C9orf72: variants seen among roughly 807,000 people sequenced by gnomAD.
C9orf72 encodes the protein C9orf72-SMCR8 complex subunit.
A neutral mutation model predicts 51.6 loss-of-function variants in C9orf72; 44 were observed. The ratio of observed to expected loss-of-function variants is 0.85; its 90% CI spans 0.67 to 1.10. The LOEUF is 1.10. Among genes scored for constraint, C9orf72 ranks in the 50% least tolerant of loss-of-function variants. The pLI, the probability that C9orf72 is intolerant of heterozygous loss-of-function variation, is 0.00. For synonymous variants in C9orf72, 213 were observed against 194.2 expected (o/e 1.10, Z -0.81); for missense variants, 607 against 570.6 (o/e 1.06, Z -0.65).
At chr9:27,554,492 G>C in intron 8 of C9orf72, 1 of 397,664 alleles carries the variant, frequency 2.5e-6, no homozygotes, top group Admixed American at 4.4e-5. Context: ...ACTTGAGGGT[G>C]GGAGAAGGGT....
In C9orf72 at chr9:27,561,607, A is replaced by G. The variant is rs113939233; in HGVS notation, c.643T>C (p.Cys215Arg). ...TACTTGAGAAGAAAGCCTTCATGACAGCTGTCACCAATATCATCATCATTG... is the reference window on the plus strand; with the variant it reads ...TACTTGAGAAGAAAGCCTTCATGACGGCTGTCACCAATATCATCATCATTG... ...VLNDDDIGDSCHEGFLLNAIS... is the reference protein window; with the variant it reads ...VLNDDDIGDSRHEGFLLNAIS... The change falls in exon 5 of 11, where the codon TGT (cysteine) becomes CGT (arginine). Residue 215 changes from cysteine to arginine, a missense_variant. Coordinates refer to ENST00000380003, the MANE Select transcript of C9orf72 (RefSeq NM_018325.5). 1 of 1,612,292 alleles carries G rather than the reference A, an allele frequency of 6.2e-7. No homozygotes were observed. The highest frequency in any genetic ancestry group is 8.5e-7 in the Non-Finnish European group (1 of 1,178,984).
chr9:27,556,844 G>T (rs1819213106), intron 7 of C9orf72, 48 bp from the exon 8 acceptor site: 1 of 1,200,348 alleles, frequency 8.3e-7, no homozygotes. Flanking sequence ...CAAACGATAT[G>T]AATAATTGTT....
intron 1 of C9orf72, among the ~76,000 whole-genome samples, chr9:27,568,110 C>T (rs890831364): frequency 2.9e-4 from 23 of 79,862 alleles, no homozygotes; most frequent in Admixed American, 2.2e-3. Context: ...AAAAAAAAGA[C>T]ATGGAAATAC....
chr9:27,555,363 T>C (rs1820987558), intron 8 of C9orf72, among the ~76,000 whole-genome samples: 1 of 152,150 alleles, frequency 6.6e-6, no homozygotes, highest in Non-Finnish European at 1.5e-5. Flanking sequence ...GATATTCCTA[T>C]TCTATGCTTT....
intron 1 of C9orf72, among the ~76,000 whole-genome samples, chr9:27,570,346 A>G (rs1313764514): frequency 6.6e-6 from 1 of 152,344 alleles, no homozygotes; most frequent in East Asian, 1.9e-4. Context: ...ATAAAATTAT[A>G]TTGCAAACAT....
intron 3 of C9orf72, among the ~76,000 whole-genome samples, chr9:27,565,096 CA>C (rs1819434975): frequency 6.6e-6 from 1 of 152,104 alleles, no homozygotes; most frequent in South Asian, 2.1e-4. Context: ...AACGATACAA[CA>C]TAAGACTTAG....
chr9:27,548,514 AC>A (rs1329564992), intron 10 of C9orf72, 42 bp downstream of exon 10: 1 of 1,476,548 alleles, frequency 6.8e-7, no homozygotes, highest in Non-Finnish European at 9.3e-7. Context: ...AAACAAAAAA[AC>A]AATGTACAAA....
In C9orf72 at chr9:27,548,625, G is replaced by T. The variant is rs746990973; in HGVS notation, c.1191C>A (p.Phe397Leu). The change falls in exon 10 of 11, where the codon TTC becomes TTA. Residue 397 changes from phenylalanine to leucine, a missense_variant. By Grantham distance (22) the Phe-to-Leu change is conservative. Transcript: ENST00000380003. ...LKPGLSLRST[F>L]LAQFLLVLHR... ...GAAGGACAAGTAGAAACTGTGCAAG[G>T]AAAGTACTTCTGAGAGATAAGCCAG... 1.2e-6 allele frequency: 2 copies of T among 1,612,510 alleles called. No homozygotes were observed. The highest frequency in any genetic ancestry group is 2.7e-5 in the African/African-American group (2 of 74,870).
intron 6 of C9orf72, chr9:27,559,282 A>AC (rs1007409794): frequency 6.6e-6 from 1 of 150,894 alleles, no homozygotes. Flanking sequence ...AAAAAAAAAA[A>AC]AAACACTCCA....
At chr9:27,558,383 C>T in intron 7 of C9orf72, 108 bp downstream of exon 7, 1 of 711,162 alleles carries the variant, frequency 1.4e-6, no homozygotes, top group South Asian at 1.5e-5. Flanking sequence ...AGTCTCTGGG[C>T]ATGTCAATAT....
chr9:27,553,018 A>C (rs1166744295), intron 8 of C9orf72, among the ~76,000 whole-genome samples: 1 of 152,152 alleles, frequency 6.6e-6, no homozygotes, highest in Non-Finnish European at 1.5e-5. Context: ...TTTTTGGAAC[A>C]GATTGAGTAG....
chr9:27,573,208 GCGCCGCCGCCGC>G lies in C9orf72; in HGVS notation c.-45+211_-45+222del, dbSNP rs546630378. On this transcript the variant is annotated intron_variant, in intron 1 of 10. Transcript: ENST00000380003. ...GGCCAGATCCCCATCCCTTGTCCCT[GCGCCGCCGCCGC>G]CGCCGCCGCCGCCGGGAAGCCCGGG... 2.0e-3 allele frequency among the ~76,000 whole-genome samples: 307 copies of G among 151,914 alleles called. 1 individual carries two copies. The highest frequency in any genetic ancestry group is 3.8e-3 in the African/African-American group (159 of 41,392).
intron 1 of C9orf72, 21 bp from the exon 2 acceptor site, chr9:27,567,185 C>A: frequency 7.4e-7 from 1 of 1,352,926 alleles, no homozygotes; most frequent in South Asian, 1.3e-5. Context: ...ACATATGAAA[C>A]CAATGATTAG....
chr9:27,548,800 C>T (rs1820839079), intron 9 of C9orf72, 134 bp from the exon 10 acceptor site: 2 of 584,356 alleles, frequency 3.4e-6, no homozygotes, highest in Admixed American at 5.6e-5. Flanking sequence ...ACTGATGCCC[C>T]CTAACAGGAG....
At chr9:27,558,886 C>A in intron 6 of C9orf72, 1 of 249,916 alleles carries the variant, frequency 4.0e-6, no homozygotes, top group East Asian at 1.0e-4. Flanking sequence ...TGAATTATAT[C>A]ATCTGCAGAC....
chr9:27,562,084 T>G (rs974129539), intron 4 of C9orf72, among the ~76,000 whole-genome samples: 1 of 152,226 alleles, frequency 6.6e-6, no homozygotes, highest in Non-Finnish European at 1.5e-5. Flanking sequence ...CAAAAGACAC[T>G]ACATTAAATA....
chr9:27,554,488 G>A (rs1232751458), intron 8 of C9orf72: 3 of 397,612 alleles, frequency 7.5e-6, no homozygotes, highest in African/African-American at 4.1e-5. Context: ...GCCTACTTGA[G>A]GGTGGGAGAA....
At chr9:27,553,735 A>G (rs1468747085) in intron 8 of C9orf72, among the ~76,000 whole-genome samples, 1 of 152,184 alleles carries the variant, frequency 6.6e-6, no homozygotes, top group Admixed American at 6.5e-5. Context: ...GCATGGCAAA[A>G]GAAACTATCA....
chr9:27,567,484 C>T (rs1472118949), intron 1 of C9orf72, among the ~76,000 whole-genome samples: 1 of 152,158 alleles, frequency 6.6e-6, no homozygotes, highest in Non-Finnish European at 1.5e-5. Context: ...AATAGACCCG[C>T]AGTATTCCCA....
Sources: gnomAD v4.1 joint callset for allele counts (sites outside exome capture counted in the v4.1 genomes callset) on GRCh38, gnomAD v4.1.1 for gene constraint, MANE v1.5 for transcripts, NCBI Gene and HGNC (gene_info 2026-07-23, HGNC 2026-07-21) for gene names.